The following TMEM132D variants were observed in gnomAD, a reference collection of about 807,000 sequenced individuals.
TMEM132D encodes the protein mature OL transmembrane protein.
TMEM132D carries 21 observed loss-of-function variants against 62.3 expected under a neutral mutation model. The observed-to-expected ratio is 0.34, with a 90% CI of 0.24 to 0.49. The LOEUF (loss-of-function observed/expected upper bound fraction) is 0.49, where lower values mean the gene tolerates loss of function less well. Ranked by LOEUF, TMEM132D falls within the 20% of genes least tolerant of loss-of-function variation. The pLI, the probability that TMEM132D is intolerant of heterozygous loss-of-function variation, is 0.99. For missense variants in TMEM132D, 1,346 were observed against 1,402.8 expected (o/e 0.96, Z 0.65); for synonymous variants, 621 against 575.6 (o/e 1.08, Z -1.13).
At chr12:129,773,066 G>A (rs1447742762) in intron 1 of TMEM132D, among the ~76,000 whole-genome samples, 1 of 152,182 alleles carries the variant, frequency 6.6e-6, no homozygotes, top group Non-Finnish European at 1.5e-5. Flanking sequence ...GGAAATACAG[G>A]CTGCTTTTCT....
chr12:129,145,546 G>A lies in TMEM132D; in HGVS notation c.1444-60844C>T, dbSNP rs574383960. ...ATCGCAACATCACAAGCTGTCAGGC[G>A]ATGATCCCAAATCTCTGTCTCCTGC... On this transcript the variant is annotated intron_variant, in intron 5 of 8. Transcript: ENST00000422113. Among the ~76,000 whole-genome samples the A allele has an allele frequency of 2.8e-4, 43 of 152,094 alleles. No homozygotes were observed. In the South Asian group the frequency reaches 4.6e-3, roughly 16 times the overall value.
intron 3 of TMEM132D, among the ~76,000 whole-genome samples, chr12:129,412,672 T>C (rs529423347): frequency 6.6e-6 from 1 of 152,234 alleles, no homozygotes; most frequent in Non-Finnish European, 1.5e-5. Flanking sequence ...CTGGTCAACA[T>C]GGTGAAACCC....
intron 3 of TMEM132D, among the ~76,000 whole-genome samples, chr12:129,491,227 T>A (rs1050422377): frequency 6.6e-6 from 1 of 152,214 alleles, no homozygotes; most frequent in Non-Finnish European, 1.5e-5. Context: ...GGTTCACTCA[T>A]CTGCCCAGGG....
intron 1 of TMEM132D, among the ~76,000 whole-genome samples, chr12:129,797,143 T>C (rs1297527041): frequency 6.6e-6 from 1 of 152,182 alleles, no homozygotes; most frequent in Non-Finnish European, 1.5e-5. Context: ...TGAGTAGAAT[T>C]TCCCCACAGC....
intron 2 of TMEM132D, among the ~76,000 whole-genome samples, chr12:129,532,739 G>A (rs971309847): frequency 2.0e-5 from 3 of 152,160 alleles, no homozygotes; most frequent in Non-Finnish European, 4.4e-5. Context: ...ATTTTGGTAC[G>A]TGCCAGGCAG....
At chr12:129,129,831 C>A (rs73159579) in intron 5 of TMEM132D, among the ~76,000 whole-genome samples, 3 of 152,202 alleles carry the variant, frequency 2.0e-5, no homozygotes, top group Middle Eastern at 3.4e-3. Flanking sequence ...CTAAAGTGAG[C>A]TTTTTATGCC....
At chr12:129,132,173 C>A (rs1263578378) in intron 5 of TMEM132D, among the ~76,000 whole-genome samples, 1 of 152,114 alleles carries the variant, frequency 6.6e-6, no homozygotes, top group Non-Finnish European at 1.5e-5. Context: ...TTTAAATATG[C>A]TTGCAGTAAC....
intron 1 of TMEM132D, among the ~76,000 whole-genome samples, chr12:129,760,846 G>A (rs150919833): frequency 1.8e-3 from 268 of 152,078 alleles, no homozygotes; most frequent in Non-Finnish European, 2.6e-3. Flanking sequence ...CGTGTGTGAT[G>A]TTCCCCTCCG....
chr12:129,433,550 A>G (rs1216059425), intron 3 of TMEM132D, among the ~76,000 whole-genome samples: 1 of 152,210 alleles, frequency 6.6e-6, no homozygotes, highest in African/African-American at 2.4e-5. Context: ...AAATACAATT[A>G]CAATTTTTCC....
rs544495711 is a variant in TMEM132D, at chr12:129,520,234, A to G, written c.1115+10825T>C. Among the ~76,000 whole-genome samples, 16 of 152,328 alleles carry G rather than the reference A, an allele frequency of 1.1e-4. No homozygotes were observed. The East Asian group carries it at 3.1e-3, about 29-fold the overall frequency. Reference sequence around the variant, plus strand: ...TTAGCTGGAGAGAACAATAGTACACAGTGAAATGCTTAATACCATGACATT... The same window carrying G: ...TTAGCTGGAGAGAACAATAGTACACGGTGAAATGCTTAATACCATGACATT... On this transcript the variant is annotated intron_variant, in intron 3 of 8. Transcript: ENST00000422113.
At chr12:129,121,775 A>G (rs1174107591) in intron 5 of TMEM132D, among the ~76,000 whole-genome samples, 2 of 152,226 alleles carry the variant, frequency 1.3e-5, no homozygotes, top group Non-Finnish European at 2.9e-5. Context: ...AGCCATGGTA[A>G]GCATCCAGGA....
intron 2 of TMEM132D, among the ~76,000 whole-genome samples, chr12:129,538,433 C>T (rs1011845172): frequency 1.3e-5 from 2 of 152,150 alleles, no homozygotes; most frequent in Non-Finnish European, 2.9e-5. Flanking sequence ...CAGTGTACAA[C>T]CTGCACAGCT....
At chr12:129,375,730 C>T (rs1490748198) in intron 3 of TMEM132D, among the ~76,000 whole-genome samples, 5 of 152,176 alleles carry the variant, frequency 3.3e-5, no homozygotes, top group Admixed American at 2.6e-4. Flanking sequence ...CCTGGGTCTC[C>T]ATCCCAGAAG....
intron 3 of TMEM132D, among the ~76,000 whole-genome samples, chr12:129,368,335 ATC>A (rs1870488318): frequency 6.6e-6 from 1 of 152,144 alleles, no homozygotes; most frequent in Non-Finnish European, 1.5e-5. Flanking sequence ...ATGTCTGTAT[ATC>A]TGTGTGAAAT....
At chr12:129,201,993 G>GA (rs1878716694) in intron 5 of TMEM132D, among the ~76,000 whole-genome samples, 1 of 146,510 alleles carries the variant, frequency 6.8e-6, no homozygotes. Flanking sequence ...TGCTTTCACT[G>GA]GGGACCTGTT....
chr12:129,339,700 G>A (rs7978635), intron 3 of TMEM132D, among the ~76,000 whole-genome samples: 111,199 of 152,046 alleles, frequency 0.73, 41,889 homozygotes, highest in East Asian at 0.98. Context: ...TTTTGTATTC[G>A]AACTTGACAA....
intron 2 of TMEM132D, among the ~76,000 whole-genome samples, chr12:129,660,174 A>G (rs1347242572): frequency 1.3e-5 from 2 of 152,060 alleles, no homozygotes; most frequent in African/African-American, 4.8e-5. Flanking sequence ...AGAGAGAGAG[A>G]GGCTCAAATT....
intron 1 of TMEM132D, among the ~76,000 whole-genome samples, chr12:129,847,665 T>G (rs1474763640): frequency 6.6e-6 from 1 of 152,110 alleles, no homozygotes; most frequent in Non-Finnish European, 1.5e-5. Flanking sequence ...GAGGTCTACG[T>G]CCTTGCTCTA....
At chr12:129,596,192 A>G (rs1878331137) in intron 2 of TMEM132D, among the ~76,000 whole-genome samples, 1 of 152,198 alleles carries the variant, frequency 6.6e-6, no homozygotes, top group South Asian at 2.1e-4. Context: ...AAACACTGGA[A>G]GGTTATAAAT....
Sources: allele counts gnomAD v4.1 joint callset (sites outside exome capture counted in the v4.1 genomes callset), GRCh38; gene constraint gnomAD v4.1.1; transcripts MANE v1.5; gene names NCBI Gene and HGNC (gene_info 2026-07-23, HGNC 2026-07-21).